ASL: variants seen among roughly 807,000 people sequenced by gnomAD.
ASL encodes the protein argininosuccinase.
ASL carries 51 observed loss-of-function variants against 69.1 expected under a neutral mutation model. That is an observed-to-expected ratio of 0.74 (90% CI 0.59 to 0.93). ASL has a LOEUF of 0.93. Among genes scored for constraint, ASL ranks in the 40% least tolerant of loss-of-function variants. The pLI is 0.00. For missense variants in ASL, 540 were observed against 623.9 expected (o/e 0.87, Z 1.43); for synonymous variants, 241 against 247.6 (o/e 0.97, Z 0.25).
At chr7:66,080,384 T>C (rs1226339629) in intron 2 of ASL, among the ~76,000 whole-genome samples, 2 of 26,272 alleles carry the variant, frequency 7.6e-5, no homozygotes, top group East Asian at 9.0e-4. Flanking sequence ...AGACTCCATC[T>C]CAAAAAAAAA....
intron 4 of ASL, among the ~76,000 whole-genome samples, 195 bp from the exon 5 acceptor site, chr7:66,082,685 G>A (rs1280224665): frequency 6.6e-6 from 1 of 151,574 alleles, no homozygotes; most frequent in Non-Finnish European, 1.5e-5. Flanking sequence ...ACATAATGAG[G>A]TCCCACAGCT....
intron 11 of ASL, 82 bp from the exon 12 acceptor site, chr7:66,089,009 C>T: frequency 3.1e-6 from 5 of 1,608,674 alleles, no homozygotes; most frequent in Middle Eastern, 1.7e-4. Context: ...CTCCCCGTCC[C>T]ACCCCTCCGC....
chr7:66,076,829 C>T (rs1786360601), intron 2 of ASL, among the ~76,000 whole-genome samples: 1 of 152,150 alleles, frequency 6.6e-6, no homozygotes, highest in Admixed American at 6.6e-5. Context: ...AGGGGCTGTT[C>T]GCCTGATGCT....
At chr7:66,084,676 G>A (rs1345673250) in intron 6 of ASL, among the ~76,000 whole-genome samples, 1 of 151,968 alleles carries the variant, frequency 6.6e-6, no homozygotes, top group Non-Finnish European at 1.5e-5. Context: ...CTGGAGTGCA[G>A]TGGCGTGATC....
chr7:66,093,181 G>C lies in ASL; in HGVS notation c.*269G>C. 1.8e-6 allele frequency: 1 copy of C among 544,644 alleles called. No individual in the cohort carries two copies. The highest frequency in any genetic ancestry group is 3.3e-6 in the Non-Finnish European group (1 of 303,278). 33.7% of individuals were successfully genotyped at this position (544,644 alleles called of 1,614,324 possible). A position where few individuals can be genotyped will look rare whatever the true frequency, so the allele number is the denominator to read the frequency against. ...ATAATAAAACAAATAGCCTGGCGTGGTGGCCCATGCATATAGTCCCAGCTA... is the reference window on the plus strand; with the variant it reads ...ATAATAAAACAAATAGCCTGGCGTGCTGGCCCATGCATATAGTCCCAGCTA... On this transcript the variant is annotated 3_prime_UTR_variant, in exon 17 of 17. Transcript: ENST00000304874.
At chr7:66,091,085 A>G (rs951072499) in intron 14 of ASL, among the ~76,000 whole-genome samples, 3 of 146,148 alleles carry the variant, frequency 2.1e-5, no homozygotes, top group African/African-American at 7.6e-5. Flanking sequence ...GTGACAGTGC[A>G]AGACTCCATC....
intron 15 of ASL, among the ~76,000 whole-genome samples, 178 bp downstream of exon 15, chr7:66,092,264 C>A (rs547247632): frequency 3.9e-5 from 6 of 151,978 alleles, no homozygotes; most frequent in Non-Finnish European, 8.8e-5. Flanking sequence ...CCAGCCTGGT[C>A]AACATGGTGA....
chr7:66,082,377 G>A lies in ASL; in HGVS notation c.217G>A (p.Glu73Lys), dbSNP rs1786531110. The A allele has an allele frequency of 6.2e-7, 1 of 1,612,116 alleles. No homozygotes were observed. Among genetic ancestry groups the A allele is most frequent in the Non-Finnish European group, 8.5e-7 (1 of 1,179,588 alleles). The change falls in exon 4 of 17, where the codon GAG (glutamate) becomes AAG (lysine). Residue 73 changes from glutamate to lysine, a missense_variant. By Grantham distance (56) the Glu-to-Lys change is moderately conservative. Coordinates refer to ENST00000304874, the MANE Select transcript of ASL (RefSeq NM_000048.4). ...ILHGLDKVAE[E>K]WAQGTFKLNS... is the part of the protein sequence containing the mutation. ...CTGCTACCCACTACAGGTGGCTGAGGAGTGGGCCCAGGGCACCTTCAAACT... is the reference window on the plus strand; with the variant it reads ...CTGCTACCCACTACAGGTGGCTGAGAAGTGGGCCCAGGGCACCTTCAAACT...
chr7:66,089,753 G>A, intron 14 of ASL, 58 bp downstream of exon 14: 2 of 1,585,360 alleles, frequency 1.3e-6, no homozygotes, highest in South Asian at 2.3e-5. Context: ...GGGTGGGCAT[G>A]CGGGGAGGGT....
At position 66,092,996 on chromosome 7, in the gene ASL, C is replaced by A. The variant is rs1786900364; in HGVS notation, c.*84C>A. ...CTGCCCCAGCCTGGCTCCCTCGTTG[C>A]TGGGCTTTCGGGGCTGGCCAGTGGG... On this transcript the variant is annotated 3_prime_UTR_variant, in exon 17 of 17. Coordinates refer to ENST00000304874, the MANE Select transcript of ASL (RefSeq NM_000048.4). 1 of 1,535,910 alleles carries A rather than the reference C, an allele frequency of 6.5e-7. No individual in the cohort carries two copies. The highest frequency in any genetic ancestry group is 8.7e-7 in the Non-Finnish European group (1 of 1,147,358).
In ASL at chr7:66,089,082, T is replaced by C. The variant is rs1786760275; in HGVS notation, c.834-9T>C. ...CCAGCCCCTTCAGCGCCAGCACCTC[T>C]GTCCCCAGCACGGGAAGCAGCCTGA... On this transcript the variant is annotated splice_polypyrimidine_tract_variant and intron_variant, in intron 11 of 16. Transcript: ENST00000304874. 1 of 1,613,752 alleles carries C rather than the reference T, an allele frequency of 6.2e-7. No individual in the cohort carries two copies. The highest frequency in any genetic ancestry group is 2.2e-5 in the East Asian group (1 of 44,850).
chr7:66,089,817 G>A (rs1235463208), intron 14 of ASL, 122 bp downstream of exon 14: 16 of 1,043,014 alleles, frequency 1.5e-5, no homozygotes, highest in Non-Finnish European at 2.2e-5. Flanking sequence ...GGAAGGAGAG[G>A]TGTGCTCGCT....
In ASL at chr7:66,081,844, C is replaced by A. The variant is rs1309121791; in HGVS notation, c.54C>A (p.Asp18Glu). Residue 18 changes from aspartate (D) to glutamate (E), a missense_variant, in exon 3 of 17, where the codon GAC becomes GAA. By Grantham distance (45) the Asp-to-Glu change is conservative. Coordinates refer to ENST00000304874, the MANE Select transcript of ASL (RefSeq NM_000048.4). Reference protein sequence around the residue: ...LWGGRFVGAVDPIMEKFNASI... With the variant: ...LWGGRFVGAVEPIMEKFNASI... ...GTGGCCGGTTTGTGGGTGCAGTGGA[C>A]CCCATCATGGAGAAGTTCAACGCGT... The A allele has an allele frequency of 6.2e-7, 1 of 1,613,974 alleles. No homozygotes were observed.
chr7:66,077,067 A>G (rs1009905436), intron 2 of ASL, among the ~76,000 whole-genome samples: 7 of 152,174 alleles, frequency 4.6e-5, no homozygotes, highest in African/African-American at 1.7e-4. Flanking sequence ...AAATAGGGGT[A>G]ATATTGCCCA....
chr7:66,087,243 CG>C, intron 8 of ASL, 90 bp from the exon 9 acceptor site: 1 of 975,796 alleles, frequency 1.0e-6, no homozygotes, highest in South Asian at 1.3e-5. Context: ...TGTGTGCGTT[CG>C]TGTGTGTGTG....
At chr7:66,083,250 G>A in intron 6 of ASL, 76 bp downstream of exon 6, 1 of 1,498,944 alleles carries the variant, frequency 6.7e-7, no homozygotes, top group Non-Finnish European at 9.1e-7. Context: ...GGGGGCAGGG[G>A]TGAACAGCGT....
At chr7:66,087,494 C>A in intron 9 of ASL, 108 bp downstream of exon 9, 2 of 1,384,286 alleles carry the variant, frequency 1.4e-6, no homozygotes, top group Non-Finnish European at 2.0e-6. Context: ...CCTGGTGAAA[C>A]CTTCATTCAT....
chr7:66,091,010 A>T (rs1218303185), intron 14 of ASL, among the ~76,000 whole-genome samples: 1 of 149,146 alleles, frequency 6.7e-6, no homozygotes, highest in Non-Finnish European at 1.5e-5. Flanking sequence ...AGGCAGGAGA[A>T]TTGCTTGAAC....
At chr7:66,077,229 G>T (rs1786372750) in intron 2 of ASL, among the ~76,000 whole-genome samples, 1 of 152,122 alleles carries the variant, frequency 6.6e-6, no homozygotes, top group South Asian at 2.1e-4. Context: ...AGGAATTCCA[G>T]ACCAGCCAGG....
Sources: allele counts gnomAD v4.1 joint callset (sites outside exome capture counted in the v4.1 genomes callset), GRCh38; gene constraint gnomAD v4.1.1; transcripts MANE v1.5; gene names NCBI Gene and HGNC (gene_info 2026-07-23, HGNC 2026-07-21).